FBXW11: variants seen among roughly 807,000 people sequenced by gnomAD.
The protein encoded by FBXW11 is F-box and WD repeat domain containing 11.
FBXW11 carries 19 observed loss-of-function variants against 77.6 expected under a neutral mutation model. That is an observed-to-expected ratio of 0.24 (90% CI 0.17 to 0.36). The LOEUF is 0.36. Among genes scored for constraint, FBXW11 ranks in the 10% least tolerant of loss-of-function variants. FBXW11 has a pLI of 1.00. For synonymous variants in FBXW11, 235 were observed against 249.4 expected (o/e 0.94, Z 0.54); for missense variants, 334 against 704.2 (o/e 0.47, Z 5.95).
At chr5:171,986,434 C>T (rs887542320) in intron 1 of FBXW11, among the ~76,000 whole-genome samples, 1 of 150,506 alleles carries the variant, frequency 6.6e-6, no homozygotes, top group African/African-American at 2.4e-5. Context: ...AAATAAAATC[C>T]GTGTGGACCA....
chr5:171,996,347 T>C (rs951198765), intron 1 of FBXW11, among the ~76,000 whole-genome samples: 2 of 152,192 alleles, frequency 1.3e-5, no homozygotes, highest in South Asian at 4.1e-4. Context: ...TATTAGACTA[T>C]GAATAAAAAC....
chr5:171,947,056 T>C (rs1264645461), intron 2 of FBXW11, among the ~76,000 whole-genome samples: 1 of 152,090 alleles, frequency 6.6e-6, no homozygotes, highest in African/African-American at 2.4e-5. Context: ...TCAAGTGATC[T>C]ACCTGCCTTG....
intron 1 of FBXW11, among the ~76,000 whole-genome samples, chr5:171,990,130 G>C (rs1444808164): frequency 6.6e-6 from 1 of 151,776 alleles, no homozygotes; most frequent in Non-Finnish European, 1.5e-5. Context: ...AGAGAAATGG[G>C]AAGGAGGGAA....
chr5:171,934,496 G>C (rs145026290), intron 2 of FBXW11, among the ~76,000 whole-genome samples: 2 of 152,044 alleles, frequency 1.3e-5, no homozygotes, highest in African/African-American at 4.8e-5. Flanking sequence ...GGGTAAAATG[G>C]TGAAACCCCA....
Position 171,861,587 on chromosome 5 carries a change from G to C in FBXW11, c.*2540C>G, listed in dbSNP as rs1329094343. 1 of 152,628 alleles carries C rather than the reference G, an allele frequency of 6.6e-6. No individual in the cohort carries two copies. 9.5% of individuals were successfully genotyped at this position (152,628 alleles called of 1,614,324 possible). Reference sequence around the variant, plus strand: ...ACACTTTATTAAGAGTATTGGCTTTGAATCAGTAGCTGAAGTAACAATTGC... The same window carrying C: ...ACACTTTATTAAGAGTATTGGCTTTCAATCAGTAGCTGAAGTAACAATTGC... On this transcript the variant is annotated 3_prime_UTR_variant, in exon 14 of 14. Transcript: ENST00000517395.
rs149875488 is a variant in FBXW11, at chr5:171,884,244, T to C, written c.853-6115A>G. 1.9e-3 allele frequency among the ~76,000 whole-genome samples: 289 copies of C among 152,338 alleles called. 1 individual carries two copies. The highest frequency in any genetic ancestry group is 6.2e-3 in the African/African-American group (256 of 41,586). Reference sequence around the variant, plus strand: ...GGTGAGAGATGAGGATCCAGTTTCATTCTCCTGTATGTGGCTTGCCAATTA... The same window carrying C: ...GGTGAGAGATGAGGATCCAGTTTCACTCTCCTGTATGTGGCTTGCCAATTA... On this transcript the variant is annotated intron_variant, in intron 7 of 13. Transcript: ENST00000517395.
At chr5:171,896,721 T>A (rs1370753254) in intron 6 of FBXW11, among the ~76,000 whole-genome samples, 1 of 152,174 alleles carries the variant, frequency 6.6e-6, no homozygotes, top group African/African-American at 2.4e-5. Flanking sequence ...ATAAAGATAA[T>A]AACATGCACC....
intron 7 of FBXW11, among the ~76,000 whole-genome samples, chr5:171,891,044 C>A (rs1045785117): frequency 1.3e-5 from 2 of 152,078 alleles, no homozygotes; most frequent in Non-Finnish European, 2.9e-5. Context: ...GAAAAATAAT[C>A]CAGTTTATCT....
At chr5:171,951,108 C>T (rs1338299221) in intron 2 of FBXW11, among the ~76,000 whole-genome samples, 1 of 151,710 alleles carries the variant, frequency 6.6e-6, no homozygotes, top group Admixed American at 6.6e-5. Context: ...ACTGATATTC[C>T]TTGACCAAGC....
At chr5:171,883,294 T>C (rs1045710639) in intron 7 of FBXW11, among the ~76,000 whole-genome samples, 45 of 152,156 alleles carry the variant, frequency 3.0e-4, no homozygotes, top group African/African-American at 1.1e-3. Context: ...TTCCTCTGGG[T>C]AGATACCCAG....
chr5:171,971,067 C>G (rs1482941075), intron 1 of FBXW11, among the ~76,000 whole-genome samples: 4 of 152,194 alleles, frequency 2.6e-5, no homozygotes, highest in Non-Finnish European at 4.4e-5. Context: ...AATGCTGGAG[C>G]TGAAAGGGAC....
rs189404376 is a variant in FBXW11 at position 171,961,144 on chromosome 5, A to G, written c.46-3446T>C. 4.4e-3 allele frequency among the ~76,000 whole-genome samples: 664 copies of G among 152,316 alleles called. 5 individuals carry two copies. Among genetic ancestry groups the G allele is most frequent in the Non-Finnish European group, 6.5e-3 (445 of 68,034 alleles). On this transcript the variant is annotated intron_variant, in intron 1 of 13. Coordinates refer to ENST00000517395, the MANE Select transcript of FBXW11 (RefSeq NM_001378974.1). Reference sequence around the variant, plus strand: ...AGATGAAGTAATTTACTTATCCAAAATCGCATAGTGCTGGGTTGGTGCTAA... The same window carrying G: ...AGATGAAGTAATTTACTTATCCAAAGTCGCATAGTGCTGGGTTGGTGCTAA...
chr5:171,937,247 T>TA (rs979916153), intron 2 of FBXW11, among the ~76,000 whole-genome samples: 1 of 152,010 alleles, frequency 6.6e-6, no homozygotes, highest in African/African-American at 2.4e-5. Context: ...GAGTATTCAG[T>TA]AAAAAATACA....
chr5:171,931,854 TCC>T, intron 2 of FBXW11, among the ~76,000 whole-genome samples: 1 of 8,394 alleles, frequency 1.2e-4, no homozygotes, highest in South Asian at 5.9e-3. Context: ...CCTCCCTCCC[TCC>T]CTCCCTCTCT....
chr5:172,005,783 T>C (rs1430804700), intron 1 of FBXW11, among the ~76,000 whole-genome samples: 1 of 152,048 alleles, frequency 6.6e-6, no homozygotes, highest in African/African-American at 2.4e-5. Flanking sequence ...GAGGATGGAA[T>C]CCAGAGTACC....
intron 1 of FBXW11, among the ~76,000 whole-genome samples, chr5:171,968,981 C>A (rs771420673): frequency 5.3e-5 from 8 of 152,074 alleles, no homozygotes; most frequent in Admixed American, 5.2e-4. Context: ...TTAGAACACA[C>A]GGAAGGGGCC....
intron 1 of FBXW11, among the ~76,000 whole-genome samples, chr5:171,967,029 C>G (rs1764227460): frequency 6.6e-6 from 1 of 152,190 alleles, no homozygotes; most frequent in Non-Finnish European, 1.5e-5. Flanking sequence ...CTTCCCTTAT[C>G]TATAATTGCC....
chr5:171,882,189 T>C (rs1213906219), intron 7 of FBXW11, among the ~76,000 whole-genome samples: 2 of 152,252 alleles, frequency 1.3e-5, no homozygotes, highest in Non-Finnish European at 2.9e-5. Context: ...TTCTAATATA[T>C]GCACTCAATA....
intron 2 of FBXW11, among the ~76,000 whole-genome samples, chr5:171,929,272 A>C (rs921354718): frequency 2.6e-5 from 4 of 151,958 alleles, no homozygotes; most frequent in Admixed American, 1.3e-4. Context: ...TCAGGAGCTG[A>C]GGCACAAGAA....
Sources: gnomAD v4.1 joint callset for allele counts (sites outside exome capture counted in the v4.1 genomes callset) on GRCh38, gnomAD v4.1.1 for gene constraint, MANE v1.5 for transcripts, NCBI Gene and HGNC (gene_info 2026-07-23, HGNC 2026-07-21) for gene names.